BCAP29: variants seen among roughly 807,000 people sequenced by gnomAD.
BCAP29 encodes the protein B cell receptor associated protein 29.
Under a neutral mutation model 31.8 loss-of-function variants are expected in BCAP29, and 34 were observed. That is an observed-to-expected ratio of 1.07 (90% CI 0.81 to 1.42). The LOEUF (loss-of-function observed/expected upper bound fraction) is 1.42. Among genes scored for constraint, BCAP29 ranks in the 40% most tolerant of loss-of-function variants. The pLI, the probability that BCAP29 is intolerant of heterozygous loss-of-function variation, is 0.00. For missense variants in BCAP29, 314 were observed against 269.2 expected (o/e 1.17, Z -1.16); for synonymous variants, 104 against 91.3 (o/e 1.14, Z -0.79).
chr7:107,594,820 A>G (rs1210904307), intron 4 of BCAP29, among the ~76,000 whole-genome samples: 7 of 152,074 alleles, frequency 4.6e-5, no homozygotes, highest in Admixed American at 2.0e-4. Flanking sequence ...TTTTTATAAC[A>G]TCTTTGTAAA....
At chr7:107,615,073 GAA>G (rs1456272121) in intron 7 of BCAP29, among the ~76,000 whole-genome samples, 2 of 152,198 alleles carry the variant, frequency 1.3e-5, no homozygotes, top group African/African-American at 2.4e-5. Context: ...ATGGAGAAAG[GAA>G]AACCAGAAGT....
intron 6 of BCAP29, among the ~76,000 whole-genome samples, chr7:107,610,357 C>A (rs2129282597): frequency 6.6e-6 from 1 of 152,298 alleles, no homozygotes; most frequent in South Asian, 2.1e-4. Flanking sequence ...CATCTAAAGC[C>A]TCCTTGTCCA....
chr7:107,586,680 CTAAA>C (rs1807745073), intron 3 of BCAP29, among the ~76,000 whole-genome samples: 1 of 150,542 alleles, frequency 6.6e-6, no homozygotes, highest in African/African-American at 2.4e-5. Context: ...GGTTATCTCT[CTAAA>C]TAAGGTAACT....
chr7:107,614,434 A>G (rs1295595618), intron 7 of BCAP29, among the ~76,000 whole-genome samples: 1 of 152,204 alleles, frequency 6.6e-6, no homozygotes, highest in Non-Finnish European at 1.5e-5. Context: ...TTGAAACAAT[A>G]ATGATGCCTG....
At chr7:107,599,736 A>G (rs1033574741) in intron 5 of BCAP29, among the ~76,000 whole-genome samples, 5 of 152,084 alleles carry the variant, frequency 3.3e-5, no homozygotes, top group African/African-American at 7.2e-5. Context: ...TGATAATTTT[A>G]TTTTGATCAG....
intron 2 of BCAP29, among the ~76,000 whole-genome samples, chr7:107,581,217 A>T (rs1463452635): frequency 6.6e-6 from 1 of 152,214 alleles, no homozygotes; most frequent in African/African-American, 2.4e-5. Flanking sequence ...AATAAATATA[A>T]GTGGATAAAT....
intron 5 of BCAP29, among the ~76,000 whole-genome samples, chr7:107,598,505 G>A (rs62483729): frequency 6.6e-6 from 1 of 152,116 alleles, no homozygotes; most frequent in Non-Finnish European, 1.5e-5. Flanking sequence ...TTGGTCTTGT[G>A]CTACAGTTTT....
chr7:107,588,489 CTAT>C (rs765718526), intron 3 of BCAP29, among the ~76,000 whole-genome samples: 72 of 152,130 alleles, frequency 4.7e-4, no homozygotes, highest in Admixed American at 2.0e-4. Context: ...TTGTATTAGA[CTAT>C]TTCTCCTGTG....
At chr7:107,598,356 T>C (rs938819884) in intron 5 of BCAP29, among the ~76,000 whole-genome samples, 3 of 152,204 alleles carry the variant, frequency 2.0e-5, no homozygotes, top group African/African-American at 4.8e-5. Context: ...TGAGAAGATA[T>C]GAGGCTCCTT....
chr7:107,613,142 A>C (rs1431781933), intron 6 of BCAP29, among the ~76,000 whole-genome samples, 190 bp from the exon 7 acceptor site: 1 of 152,236 alleles, frequency 6.6e-6, no homozygotes, highest in East Asian at 1.9e-4. Flanking sequence ...CGATGCCTGC[A>C]CCTTATTCTC....
intron 6 of BCAP29, among the ~76,000 whole-genome samples, chr7:107,601,112 A>G (rs1403519535): frequency 1.3e-5 from 2 of 152,180 alleles, no homozygotes; most frequent in Admixed American, 1.3e-4. Context: ...AAGTTTTGCT[A>G]GTGTTTTTTT....
chr7:107,581,369 T>G (rs1184384926), intron 2 of BCAP29, among the ~76,000 whole-genome samples: 1 of 152,228 alleles, frequency 6.6e-6, no homozygotes, highest in Non-Finnish European at 1.5e-5. Flanking sequence ...CTACTTTTGA[T>G]TTCACATAAA....
intron 5 of BCAP29, 32 bp from the exon 6 acceptor site, chr7:107,600,365 C>T (rs1403091090): frequency 3.0e-6 from 4 of 1,343,130 alleles, no homozygotes; most frequent in Non-Finnish European, 4.3e-6. Context: ...GCAATCTAAG[C>T]TTATTTCTTC....
Position 107,600,416 on chromosome 7 carries a change from A to C in BCAP29, c.500A>C (p.Lys167Thr). ...KLKRILKSHG[K>T]DEECVLEAEN... ...CAATAGATTTTGAAAAGCCATGGTA[A>C]AGATGAAGAATGTGTTTTGGAAGCA... The change falls in exon 6 of 8, where the codon AAA becomes ACA. Residue 167 changes from lysine to threonine, a missense_variant. Transcript: ENST00000005259. The C allele has an allele frequency of 2.5e-6, 4 of 1,606,386 alleles. No homozygotes were observed. The highest frequency in any genetic ancestry group is 3.4e-6 in the Non-Finnish European group (4 of 1,174,424).
chr7:107,613,692 C>CA (rs1813638415), intron 7 of BCAP29: 1 of 1,605,056 alleles, frequency 6.2e-7, no homozygotes, highest in African/African-American at 1.5e-5. Flanking sequence ...AAAGAAGCCA[C>CA]AAAAATGGCA....
chr7:107,596,083 C>A, intron 5 of BCAP29, 81 bp downstream of exon 5: 1 of 1,230,920 alleles, frequency 8.1e-7, no homozygotes, highest in East Asian at 2.7e-5. Flanking sequence ...TCAAAAAGAG[C>A]ATTTTTATAT....
chr7:107,585,215 C>T (rs1288513800), intron 3 of BCAP29, among the ~76,000 whole-genome samples: 1 of 152,178 alleles, frequency 6.6e-6, no homozygotes, highest in Non-Finnish European at 1.5e-5. Context: ...ACCCTAACCG[C>T]CATCTTTGAC....
chr7:107,606,420 A>G (rs1563138283), intron 6 of BCAP29, among the ~76,000 whole-genome samples: 1 of 152,224 alleles, frequency 6.6e-6, no homozygotes, highest in Non-Finnish European at 1.5e-5. Context: ...AAATCTTTTC[A>G]CAGTAACTTC....
intron 5 of BCAP29, among the ~76,000 whole-genome samples, chr7:107,599,345 A>G (rs1465086983): frequency 1.4e-5 from 1 of 74,066 alleles, no homozygotes; most frequent in Non-Finnish European, 2.8e-5. Context: ...ATGCACACAT[A>G]TATATATATA....
Sources: gnomAD v4.1 joint callset for allele counts (sites outside exome capture counted in the v4.1 genomes callset) on GRCh38, gnomAD v4.1.1 for gene constraint, MANE v1.5 for transcripts, NCBI Gene and HGNC (gene_info 2026-07-23, HGNC 2026-07-21) for gene names.